The following C1orf141 variants were observed in gnomAD, a reference collection of about 807,000 sequenced individuals.
C1orf141 encodes chromosome 1 open reading frame 141.
C1orf141 carries 19 observed loss-of-function variants against 23.2 expected under a neutral mutation model. The observed-to-expected ratio is 0.82, with a 90% CI of 0.57 to 1.20. The LOEUF is 1.20. C1orf141 is among the 50% of genes most tolerant of loss of function. The pLI is 0.00. For missense variants in C1orf141, 469 were observed against 455.1 expected (o/e 1.03, Z -0.28); for synonymous variants, 153 against 154.6 (o/e 0.99, Z 0.08).
chr1:67,122,040 C>T (rs11209001), intron 4 of C1orf141: 135,717 of 152,296 alleles, frequency 0.89, 60,715 homozygotes, highest in East Asian at 0.97. Flanking sequence ...TGCTTTATTA[C>T]TATTACTATT....
upstream of C1orf141, among the ~76,000 whole-genome samples, chr1:67,137,441 C>T (rs1224228268): frequency 1.3e-5 from 2 of 152,132 alleles, no homozygotes; most frequent in African/African-American, 4.8e-5. Context: ...GAAGCTCACC[C>T]AATCATTGTG....
chr1:67,111,384 A>G (rs1646069074), intron 5 of C1orf141, among the ~76,000 whole-genome samples: 1 of 152,136 alleles, frequency 6.6e-6, no homozygotes, highest in South Asian at 2.1e-4. Context: ...TCTCCAACAA[A>G]TAATATATTA....
At chr1:67,110,954 C>G (rs1431406850) in intron 5 of C1orf141, among the ~76,000 whole-genome samples, 1 of 149,090 alleles carries the variant, frequency 6.7e-6, no homozygotes, top group African/African-American at 2.4e-5. Context: ...AAAATTAATA[C>G]TTAAGAGACT....
At chr1:67,134,994 C>G (rs1253128163), upstream of C1orf141, 2 of 152,148 alleles carry the variant, frequency 1.3e-5, no homozygotes, top group African/African-American at 4.8e-5. Context: ...CCTTCAGTCC[C>G]TTAGCAACGC....
intron 2 of C1orf141, among the ~76,000 whole-genome samples, chr1:67,129,901 A>G (rs529372794): frequency 5.3e-5 from 8 of 152,334 alleles, no homozygotes; most frequent in Non-Finnish European, 8.8e-5. Flanking sequence ...TGTTCTTCAG[A>G]ATATACTGAA....
chr1:67,133,475 A>G (rs142321345), intron 1 of C1orf141, among the ~76,000 whole-genome samples: 12 of 152,334 alleles, frequency 7.9e-5, no homozygotes, highest in African/African-American at 2.6e-4. Context: ...TCCATCTCAC[A>G]TTCCAAGGAT....
chr1:67,100,131 T>C lies in C1orf141; in HGVS notation c.347-3810A>G, dbSNP rs193156819. Reference sequence around the variant, plus strand: ...CACTCATGTAAGTAAAATCAAGATATAGAGTATTTCCATTATTCTCAGATC... The same window carrying C: ...CACTCATGTAAGTAAAATCAAGATACAGAGTATTTCCATTATTCTCAGATC... On this transcript the variant is annotated intron_variant, in intron 5 of 7. Transcript: ENST00000684719. Among the ~76,000 whole-genome samples the C allele has an allele frequency of 2.0e-5, 3 of 152,344 alleles. No individual in the cohort carries two copies. The East Asian group carries it at 5.8e-4, about 29-fold the overall frequency.
upstream of C1orf141, among the ~76,000 whole-genome samples, chr1:67,138,331 CT>C (rs1203480820): frequency 1.3e-5 from 2 of 152,148 alleles, no homozygotes; most frequent in African/African-American, 4.8e-5. Flanking sequence ...ACTTAATGAC[CT>C]TCTGTCTCTT....
intron 7 of C1orf141, chr1:67,093,869 A>C (rs1001835589): frequency 4.6e-6 from 1 of 215,304 alleles, no homozygotes; most frequent in Non-Finnish European, 9.1e-6. Context: ...AAATTGGAAT[A>C]CGAAAAAATT....
chr1:67,112,564 T>G (rs1354429789), intron 5 of C1orf141, among the ~76,000 whole-genome samples: 1 of 151,628 alleles, frequency 6.6e-6, no homozygotes, highest in African/African-American at 2.4e-5. Flanking sequence ...ATTAGCTGAG[T>G]GTGGTGGTGT....
intron 2 of C1orf141, among the ~76,000 whole-genome samples, chr1:67,129,431 C>A (rs535285701): frequency 9.2e-5 from 14 of 152,228 alleles, no homozygotes; most frequent in African/African-American, 2.6e-4. Flanking sequence ...TGCTTCTGCA[C>A]CCCGGCTTGG....
intron 5 of C1orf141, among the ~76,000 whole-genome samples, chr1:67,102,302 T>C (rs954882165): frequency 1.5e-5 from 2 of 130,622 alleles, no homozygotes; most frequent in Non-Finnish European, 3.2e-5. Flanking sequence ...ATGAATCTTC[T>C]GCTCCGTGTG....
intron 5 of C1orf141, among the ~76,000 whole-genome samples, chr1:67,112,633 C>T (rs934233689): frequency 1.5e-4 from 23 of 151,810 alleles, no homozygotes; most frequent in African/African-American, 4.4e-4. Flanking sequence ...CCAGGGAGGT[C>T]GAAGCTGCAG....
intron 3 of C1orf141, among the ~76,000 whole-genome samples, chr1:67,126,400 A>G (rs1041523335): frequency 3.9e-5 from 6 of 152,204 alleles, no homozygotes; most frequent in Non-Finnish European, 8.8e-5. Context: ...GAAGAAGAAA[A>G]AGGATCTAGC....
chr1:67,120,902 C>T (rs148103698), intron 4 of C1orf141, among the ~76,000 whole-genome samples: 199 of 152,242 alleles, frequency 1.3e-3, no homozygotes, highest in African/African-American at 3.9e-3. Context: ...GGGGATCCTT[C>T]GCAGAAGAAA....
In C1orf141 at chr1:67,095,817, G is replaced by C. The variant is rs903183542; in HGVS notation, c.417-396C>G. ...GGATAGAATAGTGTGGTCAGGCAGA[G>C]ACAGGATATAATTTTTAAACTGAGT... On this transcript the variant is annotated intron_variant, in intron 6 of 7. Coordinates refer to ENST00000684719, the MANE Select transcript of C1orf141 (RefSeq NM_001276351.2). The C allele has an allele frequency of 3.3e-5, 6 of 183,192 alleles. 1 individual carries two copies. The highest frequency in any genetic ancestry group is 3.0e-4 in the Admixed American group (5 of 16,812). 11.3% of individuals were successfully genotyped at this position (183,192 alleles called of 1,614,324 possible).
intron 4 of C1orf141, among the ~76,000 whole-genome samples, chr1:67,119,230 C>T (rs1181467528): frequency 6.6e-6 from 1 of 152,124 alleles, no homozygotes; most frequent in Non-Finnish European, 1.5e-5. Flanking sequence ...TGGTAAGGGC[C>T]ATTCTGATGA....
At position 67,112,173 on chromosome 1, in the gene C1orf141, T is replaced by C. The variant is rs559488078; in HGVS notation, c.346+3179A>G. ...ATAGCCATAGGAAAGTTACTTAACA[T>C]CTGTGAGTCTTACTTTCCTCATTTG... On this transcript the variant is annotated intron_variant, in intron 5 of 7. Coordinates refer to ENST00000684719, the MANE Select transcript of C1orf141 (RefSeq NM_001276351.2). 5.9e-5 allele frequency among the ~76,000 whole-genome samples: 9 copies of C among 152,322 alleles called. No individual in the cohort carries two copies. The East Asian group carries it at 1.7e-3, about 29-fold the overall frequency.
Position 67,093,490 on chromosome 1 carries a change from G to T in C1orf141, c.718C>A (p.His240Asn). The T allele has an allele frequency of 6.2e-7, 1 of 1,608,028 alleles. No individual in the cohort carries two copies. Among genetic ancestry groups the T allele is most frequent in the Non-Finnish European group, 8.5e-7 (1 of 1,175,350 alleles). Residue 240 changes from histidine to asparagine, a missense_variant, in exon 8 of 8, where the codon CAT becomes AAT. Around this residue, in one of 3 missense-constraint regions of C1orf141, gnomAD observed 370 missense variants for 348.1 expected, o/e 1.06. Coordinates refer to ENST00000684719, the MANE Select transcript of C1orf141 (RefSeq NM_001276351.2). ...HPLENENIYP[H>N]KRTNFILERN... Reference sequence around the variant, plus strand: ...TCTAAAATGAAATTTGTTCTTTTATGTGGGTAAATGTTTTCATTTTCCAAA... The same window carrying T: ...TCTAAAATGAAATTTGTTCTTTTATTTGGGTAAATGTTTTCATTTTCCAAA...
Sources: gnomAD v4.1 joint callset for allele counts (sites outside exome capture counted in the v4.1 genomes callset) on GRCh38, gnomAD v4.1.1 for gene constraint, gnomAD v4.1.1 regional missense constraint, MANE v1.5 for transcripts, NCBI Gene and HGNC (gene_info 2026-07-23, HGNC 2026-07-21) for gene names.